The following SLC5A11 variants were observed in gnomAD, a reference collection of about 807,000 sequenced individuals.
The protein encoded by SLC5A11 is sodium/myo-inositol cotransporter 2.
SLC5A11 carries 48 observed loss-of-function variants against 69.8 expected under a neutral mutation model. That is an observed-to-expected ratio of 0.69 (90% CI 0.55 to 0.87). SLC5A11 has a LOEUF of 0.87. Ranked by LOEUF, SLC5A11 falls within the 40% of genes least tolerant of loss-of-function variation. The pLI is 0.00. For synonymous variants in SLC5A11, 319 were observed against 342.4 expected, an observed-to-expected ratio of 0.93 and a Z score of 0.75; for missense variants, 784 against 866.1, an observed-to-expected ratio of 0.91 and a Z score of 1.19.
At chr16:24,859,799 G>A (rs976214069) in intron 2 of SLC5A11, among the ~76,000 whole-genome samples, 8 of 151,900 alleles carry the variant, frequency 5.3e-5, no homozygotes, top group Admixed American at 1.3e-4. Context: ...AACTAGTCTC[G>A]GGCTGAAGGT....
At chr16:24,910,875 T>A (rs1567713981) in intron 15 of SLC5A11, among the ~76,000 whole-genome samples, 1 of 152,042 alleles carries the variant, frequency 6.6e-6, no homozygotes, top group Non-Finnish European at 1.5e-5. Flanking sequence ...CATTTAAAAA[T>A]TGAGAGATTT....
chr16:24,907,929 G>A (rs746398310), intron 12 of SLC5A11, 34 bp from the exon 14 acceptor site: 1 of 1,406,800 alleles, frequency 7.1e-7, no homozygotes, highest in Non-Finnish European at 9.9e-7. Flanking sequence ...ATGTTCAGAT[G>A]ATGCTAATTT....
At chr16:24,855,520 G>T (rs1171504996) in intron 1 of SLC5A11, among the ~76,000 whole-genome samples, 3 of 151,614 alleles carry the variant, frequency 2.0e-5, no homozygotes, top group Non-Finnish European at 4.4e-5. Context: ...AGGATCTCTT[G>T]AGCCTAGGAG....
chr16:24,896,251 G>T (rs2049157700), intron 9 of SLC5A11, among the ~76,000 whole-genome samples: 1 of 152,062 alleles, frequency 6.6e-6, no homozygotes, highest in Non-Finnish European at 1.5e-5. Context: ...TTAGGAGGCT[G>T]AGGCAGGAGA....
intron 8 of SLC5A11, among the ~76,000 whole-genome samples, chr16:24,887,279 G>C (rs951769332): frequency 1.3e-5 from 2 of 152,120 alleles, no homozygotes; most frequent in African/African-American, 4.8e-5. Flanking sequence ...AGAGAAAATG[G>C]TAGTAAATAA....
intron 12 of SLC5A11, 88 bp from the exon 14 acceptor site, chr16:24,907,875 G>T: frequency 6.5e-7 from 1 of 1,544,296 alleles, no homozygotes; most frequent in African/African-American, 1.4e-5. Context: ...AACAGAACAA[G>T]ACCCTGTCTA....
intron 1 of SLC5A11, among the ~76,000 whole-genome samples, chr16:24,850,085 AC>A (rs1567554628): frequency 6.6e-6 from 1 of 151,874 alleles, no homozygotes; most frequent in African/African-American, 2.4e-5. Flanking sequence ...CCACAGACAC[AC>A]AGCACCATGC....
chr16:24,870,094 T>A (rs1463938969), intron 4 of SLC5A11, 89 bp downstream of exon 5: 5 of 946,488 alleles, frequency 5.3e-6, no homozygotes, highest in Non-Finnish European at 8.2e-6. Flanking sequence ...CCCTGCACTT[T>A]AAAAATAGAA....
chr16:24,907,749 G>A (rs779306174), intron 12 of SLC5A11, among the ~76,000 whole-genome samples: 1 of 151,972 alleles, frequency 6.6e-6, no homozygotes, highest in Non-Finnish European at 1.5e-5. Context: ...AGCTGGGAGT[G>A]TTGGCATGTG....
In SLC5A11 at chr16:24,908,877, G is replaced by A. The variant is rs760104515; in HGVS notation, c.1435-4G>A. On this transcript the variant is annotated splice_polypyrimidine_tract_variant and splice_region_variant and intron_variant, in intron 13 of 15. Coordinates refer to ENST00000347898, the Ensembl canonical transcript of SLC5A11. ...TCTAAGATGATCTTGCTCTGATTTT[G>A]CAGGGTGCCTTCTGGGGCCTGATCT... 1 of 1,611,870 alleles carries A rather than the reference G, an allele frequency of 6.2e-7. No individual in the cohort carries two copies. Among genetic ancestry groups the A allele is most frequent in the Non-Finnish European group, 8.5e-7 (1 of 1,179,940 alleles).
chr16:24,898,123 TG>T lies in SLC5A11; in HGVS notation c.1006+19del, dbSNP rs1453863894. On this transcript the variant is annotated intron_variant, in intron 10 of 15. Coordinates refer to ENST00000347898, the Ensembl canonical transcript of SLC5A11. ...TCCTCTTCCCAGGTGAGAACACAGC[TG>T]GGGGAAGAGGTCATTGGTATGTGAG... The T allele has an allele frequency of 1.2e-6, 2 of 1,613,080 alleles. No individual in the cohort carries two copies. Among genetic ancestry groups the T allele is most frequent in the South Asian group, 1.1e-5 (1 of 90,922 alleles).
At position 24,881,612 on chromosome 16, in the gene SLC5A11, T is replaced by C. The variant is rs137985270; in HGVS notation, c.584-2439T>C. ...CTGTGATTTGCATTTTTCTGATGAT[T>C]AGCGATGATGAGCATTTTTTCGTAT... On this transcript the variant is annotated intron_variant, in intron 7 of 15. Coordinates refer to ENST00000347898, the Ensembl canonical transcript of SLC5A11. Among the ~76,000 whole-genome samples the C allele has an allele frequency of 3.8e-4, 58 of 152,294 alleles. No homozygotes were observed. In the East Asian group the frequency reaches 0.01, roughly 26 times the overall value.
chr16:24,877,539 G>C lies in SLC5A11; in HGVS notation c.583+176G>C, dbSNP rs573008208. 3.3e-5 allele frequency among the ~76,000 whole-genome samples: 5 copies of C among 152,250 alleles called. No homozygotes were observed. The East Asian group carries it at 9.6e-4, about 29-fold the overall frequency. On this transcript the variant is annotated intron_variant, in intron 7 of 15. Coordinates refer to ENST00000347898, the Ensembl canonical transcript of SLC5A11. Reference sequence around the variant, plus strand: ...TCTCCTGACCATTATCCAAAGGAAGGGGGTTACCTGATAAGATAAAGCTTT... The same window carrying C: ...TCTCCTGACCATTATCCAAAGGAAGCGGGTTACCTGATAAGATAAAGCTTT...
At chr16:24,897,587 A>G (rs2049272111) in intron 9 of SLC5A11, among the ~76,000 whole-genome samples, 1 of 152,192 alleles carries the variant, frequency 6.6e-6, no homozygotes. Context: ...GTCTGTTCTC[A>G]CACTGCTGAT....
chr16:24,894,587 G>T (rs1264793434), intron 9 of SLC5A11, among the ~76,000 whole-genome samples: 4 of 148,394 alleles, frequency 2.7e-5, no homozygotes, highest in Admixed American at 6.8e-5. Context: ...GGATCACGAG[G>T]TCAGGAGATC....
intron 2 of SLC5A11, among the ~76,000 whole-genome samples, chr16:24,861,676 G>C (rs1411488440): frequency 1.4e-5 from 2 of 145,046 alleles, no homozygotes; most frequent in Non-Finnish European, 3.0e-5. Flanking sequence ...AAGAAAGGAA[G>C]GAAGGGAGGG....
At chr16:24,906,982 G>A (rs748604616) in intron 11 of SLC5A11, 43 bp from the exon 13 acceptor site, 2 of 1,599,120 alleles carry the variant, frequency 1.3e-6, no homozygotes, top group South Asian at 1.1e-5. Context: ...CGGCTGCTTT[G>A]GCAGAAAAGG....
chr16:24,867,443 C>A (rs191740396), intron 3 of SLC5A11, among the ~76,000 whole-genome samples: 1 of 152,052 alleles, frequency 6.6e-6, no homozygotes, highest in African/African-American at 2.4e-5. Context: ...ATTACCTCAT[C>A]TTTTACATTA....
intron 1 of SLC5A11, among the ~76,000 whole-genome samples, chr16:24,852,959 G>A (rs1232816920): frequency 6.6e-6 from 1 of 151,170 alleles, no homozygotes; most frequent in Non-Finnish European, 1.5e-5. Context: ...ACAGAGCATG[G>A]CACACAGCTG....
Sources: allele counts gnomAD v4.1 joint callset (sites outside exome capture counted in the v4.1 genomes callset), GRCh38; gene constraint gnomAD v4.1.1; transcripts MANE v1.5; gene names NCBI Gene and HGNC (gene_info 2026-07-23, HGNC 2026-07-21).